CMTR1: variants seen among roughly 807,000 people sequenced by gnomAD.
CMTR1 encodes cap methyltransferase 1.
A neutral mutation model predicts 107.0 loss-of-function variants in CMTR1; 39 were observed. The ratio of observed to expected loss-of-function variants is 0.36; its 90% CI spans 0.28 to 0.48. The LOEUF is 0.48. Among genes scored for constraint, CMTR1 ranks in the 20% least tolerant of loss-of-function variants. CMTR1 has a pLI of 0.99. For synonymous variants in CMTR1, 366 were observed against 379.5 expected (o/e 0.96, Z 0.41); for missense variants, 672 against 1,064.9 (o/e 0.63, Z 5.14).
At chr6:37,478,294 T>C in intron 21 of CMTR1, 115 bp from the exon 22 acceptor site, 1 of 836,678 alleles carries the variant, frequency 1.2e-6, no homozygotes, top group Non-Finnish European at 2.0e-6. Flanking sequence ...CTCAGTTTCA[T>C]CTTAAGTCAA....
Position 37,481,356 on chromosome 6 carries a change from A to G in CMTR1, c.*1211A>G, listed in dbSNP as rs1054821315. 3.4e-6 allele frequency: 4 copies of G among 1,191,778 alleles called. No individual in the cohort carries two copies. Among genetic ancestry groups the G allele is most frequent in the Non-Finnish European group, 4.2e-6 (4 of 944,464 alleles). The allele number at this position is 1,191,778 out of a possible 1,614,324, so 73.8% of individuals were successfully genotyped here. A position where few individuals can be genotyped will look rare whatever the true frequency, so the allele number is the denominator to read the frequency against. On this transcript the variant is annotated 3_prime_UTR_variant, in exon 24 of 24. Coordinates refer to ENST00000373451, the MANE Select transcript of CMTR1 (RefSeq NM_015050.3). ...GCACTGAGGCTCCCGTGAGGTTGGA[A>G]TCGACTTCACCATGGGGGTCCTTCA...
chr6:37,472,051 C>A lies in CMTR1; in HGVS notation c.1620+147C>A. ...AGCATCCCAGAGGTTGACATCTCGG[C>A]ATTGTTGGTAGTTACGTCCTTGGCC... On this transcript the variant is annotated intron_variant, in intron 15 of 23. Transcript: ENST00000373451. The surrounding 1 kb of genome is among the most constrained non-coding windows in gnomAD (Gnocchi z 4.1). 2 of 751,534 alleles carry A rather than the reference C, an allele frequency of 2.7e-6. No individual in the cohort carries two copies. Among genetic ancestry groups the A allele is most frequent in the Non-Finnish European group, 4.3e-6 (2 of 465,418 alleles). 46.6% of individuals were successfully genotyped at this position (751,534 alleles called of 1,614,324 possible). A position where few individuals can be genotyped will look rare whatever the true frequency, so the allele number is the denominator to read the frequency against.
At chr6:37,464,892 CTGTGTGTGTGTGTG>C (rs61375488) in intron 13 of CMTR1, among the ~76,000 whole-genome samples, 8 of 148,246 alleles carry the variant, frequency 5.4e-5, no homozygotes, top group South Asian at 4.3e-4. Context: ...TTCTAAAACG[CTGTGTGTGTGTGTG>C]TGTGTGTGTG....
intron 2 of CMTR1, among the ~76,000 whole-genome samples, chr6:37,443,588 C>T (rs776661245): frequency 1.2e-4 from 19 of 152,206 alleles, no homozygotes; most frequent in Non-Finnish European, 4.4e-5. Context: ...CTCCTGACCT[C>T]AAGTGATCCG....
chr6:37,478,359 T>G lies in CMTR1; in HGVS notation c.2154-50T>G, dbSNP rs749387874. The G allele has an allele frequency of 2.1e-6, 3 of 1,412,200 alleles. No individual in the cohort carries two copies. In the South Asian group the frequency reaches 3.5e-5, roughly 16 times the overall value. The allele number at this position is 1,412,200 out of a possible 1,614,324, so 87.5% of individuals were successfully genotyped here. A position where few individuals can be genotyped will look rare whatever the true frequency, so the allele number is the denominator to read the frequency against. ...TTTTATTAGTCAGAGACTAATTTTA[T>G]CAGCCAGGGCCTTTTCTCTCTCATG... On this transcript the variant is annotated intron_variant, in intron 21 of 23. Coordinates refer to ENST00000373451, the MANE Select transcript of CMTR1 (RefSeq NM_015050.3).
In CMTR1 at chr6:37,474,861, A is replaced by G. The variant is rs535829560; in HGVS notation, c.1944+215A>G. 3.3e-5 allele frequency among the ~76,000 whole-genome samples: 5 copies of G among 152,334 alleles called. No homozygotes were observed. The South Asian group carries it at 8.3e-4, about 25-fold the overall frequency. ...GAGCGCAGTCTCCGTGCGTCAGAGG[A>G]GACCTCGATTGTCTCTGTGCATTGA... On this transcript the variant is annotated intron_variant, in intron 18 of 23. Coordinates refer to ENST00000373451, the MANE Select transcript of CMTR1 (RefSeq NM_015050.3).
intron 13 of CMTR1, among the ~76,000 whole-genome samples, chr6:37,463,237 G>A (rs1192160346): frequency 6.6e-6 from 1 of 152,216 alleles, no homozygotes; most frequent in Non-Finnish European, 1.5e-5. Context: ...TGCCTGGCTA[G>A]TATAGGCCTG....
chr6:37,479,292 G>A (rs758539562), intron 23 of CMTR1, 37 bp downstream of exon 23: 1 of 1,422,080 alleles, frequency 7.0e-7, no homozygotes, highest in Admixed American at 1.7e-5. Flanking sequence ...CTCCTTAGCA[G>A]CCTCAAGTAC....
chr6:37,481,394 C>A lies in CMTR1; in HGVS notation c.*1249C>A. On this transcript the variant is annotated 3_prime_UTR_variant, in exon 24 of 24. Transcript: ENST00000373451. ...TGGGGGTCCTTCAGCCAGCATCCAGCTCCCCACCCCCAGGCTGGCAGTAGC... is the reference window on the plus strand; with the variant it reads ...TGGGGGTCCTTCAGCCAGCATCCAGATCCCCACCCCCAGGCTGGCAGTAGC... The A allele has an allele frequency of 2.5e-6, 3 of 1,186,586 alleles. No homozygotes were observed. Among genetic ancestry groups the A allele is most frequent in the Non-Finnish European group, 3.2e-6 (3 of 941,544 alleles). The allele number at this position is 1,186,586 out of a possible 1,614,324, so 73.5% of individuals were successfully genotyped here. A position where few individuals can be genotyped will look rare whatever the true frequency, so the allele number is the denominator to read the frequency against.
In CMTR1 at chr6:37,470,051, C is replaced by T. The variant is rs183072204; in HGVS notation, c.1506-970C>T. Among the ~76,000 whole-genome samples the T allele has an allele frequency of 3.3e-3, 504 of 152,040 alleles. 4 individuals carry two copies. Among genetic ancestry groups the T allele is most frequent in the African/African-American group, 0.011 (475 of 41,452 alleles). On this transcript the variant is annotated intron_variant, in intron 13 of 23. Transcript: ENST00000373451. ...CAATCCCAGCAAAATAATTATTCAT[C>T]TCTAACATATTTTCATTTCTAGAAT...
chr6:37,470,745 A>G (rs936605731), intron 13 of CMTR1, among the ~76,000 whole-genome samples: 2 of 152,188 alleles, frequency 1.3e-5, no homozygotes, highest in African/African-American at 4.8e-5. Flanking sequence ...TGAGCTCACC[A>G]CTACTTTCAG....
At chr6:37,473,997 C>G (rs539864742) in intron 17 of CMTR1, among the ~76,000 whole-genome samples, 3 of 152,254 alleles carry the variant, frequency 2.0e-5, no homozygotes, top group Admixed American at 6.5e-5. Flanking sequence ...TACCCTGGGC[C>G]CCCTGGAGTC....
upstream of CMTR1, among the ~76,000 whole-genome samples, chr6:37,431,999 G>A (rs969542534): frequency 6.6e-6 from 1 of 152,126 alleles, no homozygotes; most frequent in African/African-American, 2.4e-5. Context: ...TGTATCTTCA[G>A]TAGAGACGGG....
chr6:37,474,722 T>A, intron 18 of CMTR1, 76 bp downstream of exon 18: 3 of 1,577,954 alleles, frequency 1.9e-6, no homozygotes, highest in Non-Finnish European at 2.6e-6. Context: ...CCTTTTGCCC[T>A]GAGTTAACTT....
chr6:37,439,813 A>G (rs536167707), intron 2 of CMTR1, among the ~76,000 whole-genome samples: 1 of 152,190 alleles, frequency 6.6e-6, no homozygotes, highest in East Asian at 1.9e-4. Context: ...TAGTATATGT[A>G]TTCTTTTTCT....
At position 37,458,598 on chromosome 6, in the gene CMTR1, A is replaced by G. The variant is rs370773282; in HGVS notation, c.778-14A>G. On this transcript the variant is annotated splice_polypyrimidine_tract_variant and intron_variant, in intron 8 of 23. Transcript: ENST00000373451. This position sits in a 1 kb window ranked among gnomAD's most constrained non-coding sequence, Gnocchi z 4.7. The stretch of plus-strand genomic sequence containing the variant: ...TGTTTTCCTTCCTCTCCTGTCCTCC[A>G]CTTGCCTTTGCAGAAGCCACTGGTG... 6 of 1,612,264 alleles carry G rather than the reference A, an allele frequency of 3.7e-6. No individual in the cohort carries two copies. In the Admixed American group the frequency reaches 1.0e-4, roughly 27 times the overall value.
At chr6:37,466,112 TTG>T (rs1413751415) in intron 13 of CMTR1, among the ~76,000 whole-genome samples, 1,722 of 125,742 alleles carry the variant, frequency 0.014, 69 homozygotes, top group African/African-American at 0.079. Flanking sequence ...TTTACAGTTT[TTG>T]TTTTTTTTTT....
chr6:37,425,797 G>C, the CMTR1 span, among the ~76,000 whole-genome samples: 3 of 152,026 alleles, frequency 2.0e-5, no homozygotes, highest in African/African-American at 7.2e-5. Flanking sequence ...AGTTTGTTAA[G>C]CTTCTTGAAT....
upstream of CMTR1, among the ~76,000 whole-genome samples, chr6:37,429,680 T>C (rs1285629906): frequency 1.3e-5 from 2 of 152,198 alleles, no homozygotes; most frequent in South Asian, 2.1e-4. Flanking sequence ...CAGATACTTG[T>C]TACAAGAATA....
Sources: allele counts gnomAD v4.1 joint callset (sites outside exome capture counted in the v4.1 genomes callset), GRCh38; gene constraint gnomAD v4.1.1; non-coding constraint Gnocchi (gnomAD v3.1); transcripts MANE v1.5; gene names NCBI Gene and HGNC (gene_info 2026-07-23, HGNC 2026-07-21).